The following LPL variants were observed in gnomAD, a reference collection of about 807,000 sequenced individuals.
The protein encoded by LPL is phospholipase A1.
In LPL, 43 loss-of-function variants were observed where a neutral mutation model predicts 52.2. The observed-to-expected ratio is 0.82, with a 90% CI of 0.64 to 1.06. LPL has a LOEUF of 1.06. Among genes scored for constraint, LPL ranks in the 50% least tolerant of loss-of-function variants. LPL has a pLI of 0.00. For missense variants in LPL, 639 were observed against 585.3 expected (o/e 1.09, Z -0.95); for synonymous variants, 244 against 215.6 (o/e 1.13, Z -1.15).
Position 19,961,021 on chromosome 8 carries a change from G to T in LPL, c.1260G>T (p.Trp420Cys). 3 of 1,614,146 alleles carry T rather than the reference G, an allele frequency of 1.9e-6. No homozygotes were observed. Among genetic ancestry groups the T allele is most frequent in the South Asian group, 1.1e-5 (1 of 91,086 alleles). The change falls in exon 8 of 10, where the codon TGG becomes TGT. Residue 420 changes from tryptophan to cysteine, a missense_variant. Coordinates refer to ENST00000650287, the MANE Select transcript of LPL (RefSeq NM_000237.3). ...ATTCATACTTTAGCTGGTCAGACTG[G>T]TGGAGCAGTCCCGGCTTCGCCATTC... ...KSDSYFSWSD[W>C]WSSPGFAIQK... is the part of the protein sequence containing the mutation.
Position 19,948,656 on chromosome 8 carries a change from G to A in LPL, c.249+316G>A, listed in dbSNP as rs547789466. On this transcript the variant is annotated intron_variant, in intron 2 of 9. Transcript: ENST00000650287. ...TAGGTGATTGCTGTGGGGAACCGGTGGAACCCTGGCATGATCCCGCATCAC... is the reference window on the plus strand; with the variant it reads ...TAGGTGATTGCTGTGGGGAACCGGTAGAACCCTGGCATGATCCCGCATCAC... 7.9e-4 allele frequency among the ~76,000 whole-genome samples: 120 copies of A among 152,206 alleles called. 1 individual carries two copies. The South Asian group carries it at 8.7e-3, about 11-fold the overall frequency.
rs1276587631 is a variant in LPL, at chr8:19,955,860, G to C, written c.795G>C (p.Lys265Asn). Reference sequence around the variant, plus strand: ...ACCCAGATGTGGACCAGCTAGTGAAGTGCTCCCACGAGCGCTCCATTCATC... The same window carrying C: ...ACCCAGATGTGGACCAGCTAGTGAACTGCTCCCACGAGCGCTCCATTCATC... ...RGLGDVDQLV[K>N]CSHERSIHLF... Residue 265 changes from lysine (K) to asparagine (N), a missense_variant, in exon 6 of 10, where the codon AAG becomes AAC. Coordinates refer to ENST00000650287, the MANE Select transcript of LPL (RefSeq NM_000237.3). The C allele has an allele frequency of 1.2e-6, 2 of 1,614,052 alleles. No individual in the cohort carries two copies.
chr8:19,960,952 A>G lies in LPL; in HGVS notation c.1191A>G (p.Val397=), dbSNP rs2070032792. The change falls in exon 8 of 10, where the codon GTA becomes GTG. Residue 397 remains valine, a synonymous_variant. Coordinates refer to ENST00000650287, the MANE Select transcript of LPL (RefSeq NM_000237.3). ...ACTCCTTCCTAATTTACACAGAGGTAGATATTGGAGAACTACTCATGTTGA... is the reference window on the plus strand; with the variant it reads ...ACTCCTTCCTAATTTACACAGAGGTGGATATTGGAGAACTACTCATGTTGA... ...KTYSFLIYTE[V]DIGELLMLKL... is the part of the protein sequence containing the mutation. 1.2e-6 allele frequency: 2 copies of G among 1,614,016 alleles called. No individual in the cohort carries two copies. The highest frequency in any genetic ancestry group is 1.3e-5 in the African/African-American group (1 of 75,046).
At chr8:19,963,911 T>C (rs769576757) in intron 9 of LPL, among the ~76,000 whole-genome samples, 1 of 152,160 alleles carries the variant, frequency 6.6e-6, no homozygotes, top group African/African-American at 2.4e-5. Context: ...CTTTCTTCAG[T>C]TCTTAGAAAG....
intron 9 of LPL, among the ~76,000 whole-genome samples, chr8:19,963,346 G>T (rs1037657505): frequency 6.6e-6 from 1 of 151,100 alleles, no homozygotes; most frequent in Non-Finnish European, 1.5e-5. Flanking sequence ...TGAGGCGGGA[G>T]AATTGCTTGA....
chr8:19,949,557 A>G (rs2069914780), intron 2 of LPL, among the ~76,000 whole-genome samples: 1 of 152,126 alleles, frequency 6.6e-6, no homozygotes, highest in South Asian at 2.1e-4. Context: ...ATCTCGGCTC[A>G]CTGCAACCTC....
chr8:19,942,293 C>G (rs919054255), intron 1 of LPL, among the ~76,000 whole-genome samples: 1 of 152,082 alleles, frequency 6.6e-6, no homozygotes, highest in Non-Finnish European at 1.5e-5. Flanking sequence ...TAGTTTCTTC[C>G]GTGACCACCA....
intron 1 of LPL, chr8:19,946,571 T>C (rs765902274): frequency 1.6e-5 from 5 of 311,976 alleles, no homozygotes; most frequent in South Asian, 1.0e-4. Context: ...TTTTAAATTT[T>C]GAGTTGAAAA....
rs2070031985 is a variant in LPL, at chr8:19,960,882, T to G, written c.1140-19T>G. 1.2e-6 allele frequency: 2 copies of G among 1,607,100 alleles called. No individual in the cohort carries two copies. Among genetic ancestry groups the G allele is most frequent in the Non-Finnish European group, 1.7e-6 (2 of 1,174,654 alleles). On this transcript the variant is annotated intron_variant, in intron 7 of 9. Coordinates refer to ENST00000650287, the MANE Select transcript of LPL (RefSeq NM_000237.3). The stretch of plus-strand genomic sequence containing the variant: ...AGCTGATCTCTATAACTAACCAAAT[T>G]TATTGCTTTTTTGTTTAGGCCTGAA...
chr8:19,948,456 T>G, intron 2 of LPL, 116 bp downstream of exon 2: 1 of 1,204,324 alleles, frequency 8.3e-7, no homozygotes, highest in Non-Finnish European at 1.2e-6. Flanking sequence ...GTGGATCTCC[T>G]TACACTTGAA....
intron 7 of LPL, 42 bp downstream of exon 7, chr8:19,959,422 C>T (rs1482048709): frequency 2.5e-6 from 4 of 1,613,114 alleles, no homozygotes. Flanking sequence ...ACCAGTCCCT[C>T]TCCTGCCATA....
chr8:19,964,892 ATCT>A (rs1378748462), intron 9 of LPL, among the ~76,000 whole-genome samples: 1 of 152,182 alleles, frequency 6.6e-6, no homozygotes, highest in African/African-American at 2.4e-5. Flanking sequence ...TAGACTAATA[ATCT>A]TCTACAGTTT....
chr8:19,942,438 A>C (rs534481446), intron 1 of LPL, among the ~76,000 whole-genome samples: 2 of 152,190 alleles, frequency 1.3e-5, no homozygotes, highest in African/African-American at 2.4e-5. Flanking sequence ...GGATGAAGAG[A>C]CCATTTGGAT....
rs576280825 is a variant in LPL, at chr8:19,939,554, C to T, written c.88+26C>T. The T allele has an allele frequency of 4.1e-5, 65 of 1,596,008 alleles. 2 individuals carry two copies. The South Asian group carries it at 7.1e-4, about 17-fold the overall frequency. On this transcript the variant is annotated intron_variant, in intron 1 of 9. Transcript: ENST00000650287. This position sits in a 1 kb window ranked among gnomAD's most constrained non-coding sequence, Gnocchi z 4.0. ...GTAAGTTTTGCGCGCAAACTCCCCT[C>T]CACCTGCAGACCCGGCGGGTGGCCA... is the stretch of plus-strand genomic sequence containing the variant.
chr8:19,942,973 TA>T (rs2069853171), intron 1 of LPL, among the ~76,000 whole-genome samples: 1 of 152,192 alleles, frequency 6.6e-6, no homozygotes, highest in Non-Finnish European at 1.5e-5. Flanking sequence ...AAATGCTATC[TA>T]AGTAGTGTGG....
At chr8:19,945,933 A>G (rs1374946078) in intron 1 of LPL, among the ~76,000 whole-genome samples, 1 of 152,216 alleles carries the variant, frequency 6.6e-6, no homozygotes, top group East Asian at 1.9e-4. Context: ...TTTAAGGTGG[A>G]AAGGTGTGGG....
intron 6 of LPL, 96 bp downstream of exon 6, chr8:19,956,179 A>T: frequency 7.2e-6 from 11 of 1,537,592 alleles, no homozygotes; most frequent in African/African-American, 1.4e-5. Flanking sequence ...TGGAACAGAG[A>T]TGATGACTGG....
rs1051772883 is a variant in LPL at position 19,946,023 on chromosome 8, G to C, written c.89-2157G>C. Among the ~76,000 whole-genome samples, 3 of 152,172 alleles carry C rather than the reference G, an allele frequency of 2.0e-5. No individual in the cohort carries two copies. In the East Asian group the frequency reaches 5.8e-4, roughly 29 times the overall value. ...TTCTTGGGCACTGAAGGCAGAATTA[G>C]ATTAAAAGTATTCAATACTCTTCCA... On this transcript the variant is annotated intron_variant, in intron 1 of 9. Coordinates refer to ENST00000650287, the MANE Select transcript of LPL (RefSeq NM_000237.3).
rs1472255948 is a variant in LPL, at chr8:19,965,506, T to G, written c.*196T>G. ...GCACTAAAAAGTGGCTAATTCAATT[T>G]ATGGGGTATAGTGGCCAAATAGCAC... On this transcript the variant is annotated 3_prime_UTR_variant, in exon 10 of 10. Coordinates refer to ENST00000650287, the MANE Select transcript of LPL (RefSeq NM_000237.3). 7.0e-6 allele frequency: 4 copies of G among 575,100 alleles called. No homozygotes were observed. Among genetic ancestry groups the G allele is most frequent in the Middle Eastern group, 4.5e-4 (1 of 2,232 alleles). The allele number at this position is 575,100 out of a possible 1,614,324, so 35.6% of individuals were successfully genotyped here.
Sources: gnomAD v4.1 joint callset for allele counts (sites outside exome capture counted in the v4.1 genomes callset) on GRCh38, gnomAD v4.1.1 for gene constraint, Gnocchi (gnomAD v3.1) non-coding constraint, MANE v1.5 for transcripts, NCBI Gene and HGNC (gene_info 2026-07-23, HGNC 2026-07-21) for gene names.